ATP10A: variants seen among roughly 807,000 people sequenced by gnomAD.
The protein encoded by ATP10A is ATPase phospholipid transporting 10A (putative), also known as phospholipid-transporting ATPase VA.
In ATP10A, 111 loss-of-function variants were observed where a neutral mutation model predicts 147.8. The observed-to-expected ratio is 0.75, with a 90% CI of 0.64 to 0.88. The LOEUF is 0.88. ATP10A is among the 40% of genes least tolerant of loss of function. The pLI is 0.00. For missense variants in ATP10A, 1,927 were observed against 1,959.0 expected, an observed-to-expected ratio of 0.98 and a Z score of 0.31; for synonymous variants, 875 against 841.6, an observed-to-expected ratio of 1.04 and a Z score of -0.69.
chr15:25,847,609 C>CTTTTTTTTTTTTTTTT (rs34212354), intron 1 of ATP10A, among the ~76,000 whole-genome samples: 1 of 40,738 alleles, frequency 2.5e-5, no homozygotes, highest in Non-Finnish European at 5.0e-5. Flanking sequence ...CAGCTACAGC[C>CTTTTTTTTTTTTTTTT]TTTTTTTTTT....
Position 25,680,855 on chromosome 15 carries a change from C to A in ATP10A, c.3633G>T (p.Ala1211=). The part of the protein sequence containing the change: ...FTWGTPIVTI[A]LLTFLLHLGI... ...CCAGGTGGAGCAGGAAAGTGAGCAG[C>A]GCGATTGTCACAATAGGGGTCCCCC... is the stretch of plus-strand genomic sequence containing the variant. Residue 1211 remains alanine, a synonymous_variant, in exon 19 of 21, where the codon GCG becomes GCT. Transcript: ENST00000555815. 1 of 1,613,938 alleles carries A rather than the reference C, an allele frequency of 6.2e-7. No individual in the cohort carries two copies. Among genetic ancestry groups the A allele is most frequent in the Non-Finnish European group, 8.5e-7 (1 of 1,180,008 alleles).
chr15:25,820,953 ACT>A (rs1037394839), intron 1 of ATP10A, among the ~76,000 whole-genome samples: 3 of 152,354 alleles, frequency 2.0e-5, no homozygotes, highest in African/African-American at 7.2e-5. Flanking sequence ...TGTCAAAAAC[ACT>A]CTAAACAAAA....
At chr15:25,776,474 A>G (rs1354688424) in intron 2 of ATP10A, among the ~76,000 whole-genome samples, 3 of 152,234 alleles carry the variant, frequency 2.0e-5, no homozygotes, top group Non-Finnish European at 4.4e-5. Flanking sequence ...TTGCTCTACT[A>G]CAGTTGTGGG....
chr15:25,853,658 A>C (rs1054994558), intron 1 of ATP10A, among the ~76,000 whole-genome samples: 1 of 152,152 alleles, frequency 6.6e-6, no homozygotes, highest in Non-Finnish European at 1.5e-5. Context: ...CCTTACTTGC[A>C]GGAAGGATGG....
Position 25,862,699 on chromosome 15 carries a change from C to T in ATP10A, c.398G>A (p.Arg133His), listed in dbSNP as rs775406313. Reference protein sequence around the residue: ...AFRDLWEDYSRHRSDHKINHL... With the variant: ...AFRDLWEDYSHHRSDHKINHL... ...GTTGATCTTGTGGTCGGAGCGGTGG[C>T]GGCTGTAGTCCTCCCACAGGTCCCT... is the stretch of plus-strand genomic sequence containing the variant. The change falls in exon 1 of 21, where the codon CGC (arginine) becomes CAC (histidine). Residue 133 changes from arginine to histidine, a missense_variant. Transcript: ENST00000555815. The T allele has an allele frequency of 3.7e-6, 6 of 1,607,988 alleles. No homozygotes were observed. Among genetic ancestry groups the T allele is most frequent in the South Asian group, 1.1e-5 (1 of 90,578 alleles).
chr15:25,695,757 A>G (rs1900301743), intron 13 of ATP10A, among the ~76,000 whole-genome samples: 1 of 152,174 alleles, frequency 6.6e-6, no homozygotes, highest in Non-Finnish European at 1.5e-5. Flanking sequence ...AAATTGCTGG[A>G]TAGTTAGACT....
intron 1 of ATP10A, among the ~76,000 whole-genome samples, chr15:25,800,226 G>T (rs954216654): frequency 6.6e-6 from 1 of 152,156 alleles, no homozygotes; most frequent in Non-Finnish European, 1.5e-5. Flanking sequence ...TTAAAATAAA[G>T]ACAGAATCGG....
chr15:25,811,602 A>G (rs1292649040), intron 1 of ATP10A, among the ~76,000 whole-genome samples: 1 of 152,170 alleles, frequency 6.6e-6, no homozygotes, highest in East Asian at 1.9e-4. Context: ...AAGTGTTTGT[A>G]GCAAGACCAG....
chr15:25,728,932 A>G (rs1037139733), intron 3 of ATP10A, among the ~76,000 whole-genome samples: 1 of 152,192 alleles, frequency 6.6e-6, no homozygotes, highest in African/African-American at 2.4e-5. Flanking sequence ...CGACATCACC[A>G]TCAGGTGCCT....
At chr15:25,724,821 A>G (rs1902445754) in intron 5 of ATP10A, among the ~76,000 whole-genome samples, 1 of 152,252 alleles carries the variant, frequency 6.6e-6, no homozygotes, top group South Asian at 2.1e-4. Context: ...GTCAGCTCTC[A>G]GTATCTGTGG....
chr15:25,679,464 C>G lies in ATP10A; in HGVS notation c.4377G>C (p.Thr1459=). 1 of 1,614,050 alleles carries G rather than the reference C, an allele frequency of 6.2e-7. No individual in the cohort carries two copies. Among genetic ancestry groups the G allele is most frequent in the Non-Finnish European group, 8.5e-7 (1 of 1,179,982 alleles). ...CCGCTTGTCCATCTGCAAGCTGCTC[C>G]GTCCGGGAGAACTGTAAGACACTCC... ...RLGSVLQFSR[T]EQLADGQAGR... is the part of the protein sequence containing the mutation. Residue 1459 remains threonine (T), a synonymous_variant, in exon 21 of 21, where the codon ACG becomes ACC. Transcript: ENST00000555815.
chr15:25,719,215 AG>A (rs1418878552), intron 7 of ATP10A, among the ~76,000 whole-genome samples: 2 of 152,196 alleles, frequency 1.3e-5, no homozygotes, highest in African/African-American at 2.4e-5. Flanking sequence ...TCAAAGCAGC[AG>A]GGGCCTGTCA....
At chr15:25,780,967 G>C in intron 2 of ATP10A, 52 bp downstream of exon 2, 1 of 1,575,448 alleles carries the variant, frequency 6.3e-7, no homozygotes, top group South Asian at 1.1e-5. Context: ...CTGTCATGGG[G>C]ACACTGTGTG....
At chr15:25,675,160 G>A (rs1032868784), downstream of ATP10A, among the ~76,000 whole-genome samples, 2 of 152,122 alleles carry the variant, frequency 1.3e-5, no homozygotes, top group Non-Finnish European at 2.9e-5. Flanking sequence ...CCTGAGCCTG[G>A]GCCTGGCTCA....
intron 1 of ATP10A, among the ~76,000 whole-genome samples, chr15:25,860,948 T>G (rs1319800709): frequency 6.6e-6 from 1 of 152,174 alleles, no homozygotes; most frequent in African/African-American, 2.4e-5. Context: ...GTGGTATCTG[T>G]GCAAAGGCTT....
At chr15:25,729,469 C>T (rs1013933754) in intron 3 of ATP10A, among the ~76,000 whole-genome samples, 1 of 152,242 alleles carries the variant, frequency 6.6e-6, no homozygotes, top group Admixed American at 6.5e-5. Context: ...CGGCAACACA[C>T]GCTTGCTGGC....
At chr15:25,699,838 A>G (rs1254915881) in intron 13 of ATP10A, among the ~76,000 whole-genome samples, 2 of 152,204 alleles carry the variant, frequency 1.3e-5, no homozygotes, top group African/African-American at 4.8e-5. Context: ...ACTGCACTCC[A>G]GCCTGGATAA....
chr15:25,788,894 G>C (rs932029885), intron 1 of ATP10A, among the ~76,000 whole-genome samples: 2 of 152,118 alleles, frequency 1.3e-5, no homozygotes, highest in African/African-American at 4.8e-5. Flanking sequence ...TGTTACATTC[G>C]ACTAAACCTA....
chr15:25,767,130 C>T (rs8043063), intron 2 of ATP10A, among the ~76,000 whole-genome samples: 9,816 of 152,254 alleles, frequency 0.064, 465 homozygotes, highest in South Asian at 0.18. Context: ...CCTAACTTTA[C>T]CATGGTATTC....
Sources: allele counts gnomAD v4.1 joint callset (sites outside exome capture counted in the v4.1 genomes callset), GRCh38; gene constraint gnomAD v4.1.1; transcripts MANE v1.5; gene names NCBI Gene and HGNC (gene_info 2026-07-23, HGNC 2026-07-21).